Variants in DSCAM observed in about 807,000 individuals in gnomAD.
DSCAM encodes the protein cell adhesion molecule DSCAM.
DSCAM carries 47 observed loss-of-function variants against 217.7 expected under a neutral mutation model. The ratio of observed to expected loss-of-function variants is 0.22; its 90% CI spans 0.17 to 0.28. The LOEUF (loss-of-function observed/expected upper bound fraction) is 0.28, where lower values mean the gene tolerates loss of function less well. DSCAM is among the 10% of genes least tolerant of loss of function. The pLI, the probability that DSCAM is intolerant of heterozygous loss-of-function variation, is 1.00. For missense variants in DSCAM, 2,080 were observed against 2,618.3 expected (o/e 0.79, Z 4.49); for synonymous variants, 1,056 against 1,015.3 (o/e 1.04, Z -0.76).
At chr21:40,717,578 T>C (rs1377187219) in intron 1 of DSCAM, among the ~76,000 whole-genome samples, 2 of 152,224 alleles carry the variant, frequency 1.3e-5, no homozygotes, top group Non-Finnish European at 2.9e-5. Flanking sequence ...ACATACTGTA[T>C]GACTCCATTC....
chr21:40,575,136 G>A (rs2076838933), intron 3 of DSCAM, among the ~76,000 whole-genome samples: 1 of 151,958 alleles, frequency 6.6e-6, no homozygotes, highest in South Asian at 2.1e-4. Flanking sequence ...TGCCTTAACT[G>A]ATGACATTAC....
At chr21:40,640,395 T>C (rs557572697) in intron 3 of DSCAM, among the ~76,000 whole-genome samples, 5 of 152,254 alleles carry the variant, frequency 3.3e-5, no homozygotes, top group South Asian at 2.1e-4. Flanking sequence ...GCCCTTACCA[T>C]GTGGGTAACC....
intron 3 of DSCAM, among the ~76,000 whole-genome samples, chr21:40,659,890 C>A (rs2205140): frequency 2.6e-5 from 4 of 152,098 alleles, no homozygotes; most frequent in Non-Finnish European, 4.4e-5. Context: ...TACATGTAAG[C>A]GAAGACCAGA....
At chr21:40,690,893 G>T (rs1238796404) in intron 3 of DSCAM, among the ~76,000 whole-genome samples, 1 of 152,118 alleles carries the variant, frequency 6.6e-6, no homozygotes, top group African/African-American at 2.4e-5. Context: ...AGAACACAGG[G>T]ACACATAGAG....
At chr21:40,382,143 C>T (rs961909645) in intron 3 of DSCAM, among the ~76,000 whole-genome samples, 2 of 152,110 alleles carry the variant, frequency 1.3e-5, no homozygotes, top group Non-Finnish European at 2.9e-5. Context: ...AGCTGGTATA[C>T]CTTGGATTCT....
intron 1 of DSCAM, among the ~76,000 whole-genome samples, chr21:40,773,748 G>A (rs1242750339): frequency 6.6e-6 from 1 of 152,228 alleles, no homozygotes; most frequent in Non-Finnish European, 1.5e-5. Context: ...CAGGCAGTGT[G>A]GCTGTGAATT....
intron 32 of DSCAM, among the ~76,000 whole-genome samples, chr21:40,039,176 A>C (rs973803100): frequency 1.4e-5 from 2 of 146,584 alleles, no homozygotes; most frequent in Non-Finnish European, 3.0e-5. Context: ...ATAATAAAGA[A>C]AAGAAAAGAA....
At chr21:40,444,633 A>G (rs946890713) in intron 3 of DSCAM, among the ~76,000 whole-genome samples, 1 of 152,222 alleles carries the variant, frequency 6.6e-6, no homozygotes, top group Admixed American at 6.5e-5. Flanking sequence ...CATAGCATAA[A>G]ATATTTACAA....
At chr21:40,224,592 G>A (rs968677227) in intron 11 of DSCAM, among the ~76,000 whole-genome samples, 15 of 152,062 alleles carry the variant, frequency 9.9e-5, no homozygotes, top group African/African-American at 2.4e-4. Context: ...TATCAATAAC[G>A]TTGCAAAAAG....
chr21:40,453,460 G>A (rs1189251431), intron 3 of DSCAM, among the ~76,000 whole-genome samples: 2 of 152,162 alleles, frequency 1.3e-5, no homozygotes, highest in African/African-American at 2.4e-5. Context: ...CAAAACGCCT[G>A]CAACAACAAA....
chr21:40,518,546 A>AT, intron 3 of DSCAM, among the ~76,000 whole-genome samples: 3 of 75,704 alleles, frequency 4.0e-5, no homozygotes, highest in African/African-American at 2.0e-4. Flanking sequence ...ATATATGTAC[A>AT]CACACATATA....
At chr21:40,394,168 C>T (rs925602609) in intron 3 of DSCAM, among the ~76,000 whole-genome samples, 2 of 152,202 alleles carry the variant, frequency 1.3e-5, no homozygotes, top group African/African-American at 4.8e-5. Flanking sequence ...TGAATTCACA[C>T]TTATCTACTT....
chr21:40,018,700 C>T (rs2088209027), intron 32 of DSCAM, among the ~76,000 whole-genome samples: 3 of 152,220 alleles, frequency 2.0e-5, no homozygotes, highest in African/African-American at 7.2e-5. Context: ...TATCTGCATC[C>T]TGCCTGCAGG....
chr21:40,553,918 A>C (rs932761747), intron 3 of DSCAM, among the ~76,000 whole-genome samples: 2 of 152,258 alleles, frequency 1.3e-5, no homozygotes, highest in African/African-American at 2.4e-5. Flanking sequence ...TACGTGACTT[A>C]TCCTCCTCAG....
At chr21:40,489,718 T>C (rs2146007834) in intron 3 of DSCAM, among the ~76,000 whole-genome samples, 1 of 123,270 alleles carries the variant, frequency 8.1e-6, no homozygotes, top group Admixed American at 1.1e-4. Flanking sequence ...GAGCTTGCAG[T>C]GAGCCGAGAT....
intron 27 of DSCAM, among the ~76,000 whole-genome samples, chr21:40,069,549 C>G (rs2146533103): frequency 6.6e-6 from 1 of 152,322 alleles, no homozygotes; most frequent in South Asian, 2.1e-4. Context: ...TTGTTTATAG[C>G]CACATGGCTA....
chr21:40,033,315 T>G (rs1011014791), intron 32 of DSCAM, among the ~76,000 whole-genome samples: 3 of 151,622 alleles, frequency 2.0e-5, no homozygotes, highest in East Asian at 1.9e-4. Context: ...TCAGTGGGTG[T>G]GCACACCATG....
At chr21:40,463,412 G>A (rs561397735) in intron 3 of DSCAM, among the ~76,000 whole-genome samples, 5 of 152,006 alleles carry the variant, frequency 3.3e-5, no homozygotes, top group African/African-American at 9.6e-5. Flanking sequence ...GAGACCACCC[G>A]GTATTGCACT....
chr21:40,363,908 C>G (rs2074796967), intron 4 of DSCAM, among the ~76,000 whole-genome samples: 1 of 152,176 alleles, frequency 6.6e-6, no homozygotes, highest in African/African-American at 2.4e-5. Context: ...ATTTATGCAG[C>G]CAAAAGACAC....
Sources: allele counts gnomAD v4.1 joint callset (sites outside exome capture counted in the v4.1 genomes callset), GRCh38; gene constraint gnomAD v4.1.1; transcripts MANE v1.5; gene names NCBI Gene and HGNC (gene_info 2026-07-23, HGNC 2026-07-21).